Variants in ZNF718 observed in about 807,000 individuals in gnomAD.
ZNF718 encodes the protein zinc finger protein 718.
A neutral mutation model predicts 2.6 loss-of-function variants in ZNF718; 3 were observed. That is an observed-to-expected ratio of 1.16 (90% confidence interval 0.53 to 3.01). The LOEUF is 3.01. Ranked by LOEUF, ZNF718 falls within the 30% of genes most tolerant of loss-of-function variation. The probability of loss-of-function intolerance (pLI) is 0.03; values close to 1 mark genes in which losing one functional copy is unlikely to be tolerated. For missense variants in ZNF718, 468 were observed against 230.0 expected, an observed-to-expected ratio of 2.03 and a Z score of -6.69; for synonymous variants, 135 against 77.9, an observed-to-expected ratio of 1.73 and a Z score of -3.86.
chr4:187,863 G>A (rs1167916050), intron 3 of ZNF718, among the ~76,000 whole-genome samples: 2 of 152,174 alleles, frequency 1.3e-5, no homozygotes, highest in East Asian at 1.9e-4. Context: ...AAACAGCAAA[G>A]ATGGTGACCC....
chr4:179,478 T>C (rs1484318419), intron 3 of ZNF718, among the ~76,000 whole-genome samples: 3 of 152,352 alleles, frequency 2.0e-5, no homozygotes, highest in African/African-American at 4.8e-5. Context: ...CTGAGTAGTA[T>C]TGACAGCTTA....
intron 3 of ZNF718, among the ~76,000 whole-genome samples, chr4:174,733 G>GA (rs1195680590): frequency 7.9e-5 from 12 of 152,262 alleles, no homozygotes; most frequent in African/African-American, 2.9e-4. Context: ...TAGTAGAATA[G>GA]AAAAAATTCA....
At chr4:157,402 A>T (rs1241515435) in intron 3 of ZNF718, among the ~76,000 whole-genome samples, 1 of 151,828 alleles carries the variant, frequency 6.6e-6, no homozygotes, top group East Asian at 1.9e-4. Context: ...GGTGTGAGCC[A>T]CCGCACCCGG....
chr4:151,273 T>C (rs1269860232), intron 3 of ZNF718, among the ~76,000 whole-genome samples: 1 of 151,586 alleles, frequency 6.6e-6, no homozygotes, highest in Non-Finnish European at 1.5e-5. Context: ...CAGCTAATTT[T>C]TTTTTGTATT....
At chr4:170,217 G>A (rs1553817706) in intron 3 of ZNF718, among the ~76,000 whole-genome samples, 1 of 152,190 alleles carries the variant, frequency 6.6e-6, no homozygotes, top group Non-Finnish European at 1.5e-5. Flanking sequence ...CGAGAGATCA[G>A]CTGTTAGTCT....
At position 134,229 on chromosome 4, in the gene ZNF718, G is replaced by C. The variant is rs1441824393; in HGVS notation, c.226+2724G>C. Among the ~76,000 whole-genome samples the C allele has an allele frequency of 4.1e-4, 62 of 152,168 alleles. 1 individual carries two copies. The highest frequency in any genetic ancestry group is 1.4e-3 in the African/African-American group (59 of 41,528). On this transcript the variant is annotated intron_variant, in intron 3 of 3. Transcript: ENST00000510175. ...TGGCGCGATATCTACTCACTGCAAGGTCTGCCTCCCGGGTTCACACCATTC... is the reference window on the plus strand; with the variant it reads ...TGGCGCGATATCTACTCACTGCAAGCTCTGCCTCCCGGGTTCACACCATTC...
rs1236296810 is a variant in ZNF718 at position 160,322 on chromosome 4, C to T, written c.227-590C>T. 5.9e-5 allele frequency among the ~76,000 whole-genome samples: 9 copies of T among 152,188 alleles called. No individual in the cohort carries two copies. The East Asian group carries it at 7.7e-4, about 13-fold the overall frequency. ...TGGGTAAATGTAACATACTTTACTTCGTGTTTTATGTGGCTCTTGGAATTG... is the reference window on the plus strand; with the variant it reads ...TGGGTAAATGTAACATACTTTACTTTGTGTTTTATGTGGCTCTTGGAATTG... On this transcript the variant is annotated intron_variant, in intron 3 of 3. Transcript: ENST00000510175.
chr4:157,365 C>T (rs142513066), intron 3 of ZNF718, among the ~76,000 whole-genome samples: 32 of 152,128 alleles, frequency 2.1e-4, no homozygotes, highest in African/African-American at 6.5e-4. Context: ...CCACCCACCT[C>T]GGCCTCTCAA....
At chr4:185,956 A>G (rs1717558878) in intron 3 of ZNF718, among the ~76,000 whole-genome samples, 1 of 152,100 alleles carries the variant, frequency 6.6e-6, no homozygotes, top group Non-Finnish European at 1.5e-5. Flanking sequence ...TCAGCTTGCC[A>G]TGCTGTGTCT....
intron 3 of ZNF718, among the ~76,000 whole-genome samples, chr4:192,547 CCCCCCTCTCA>C (rs1560133453): frequency 2.9e-4 from 44 of 152,112 alleles, no homozygotes; most frequent in African/African-American, 9.4e-4. Flanking sequence ...GTCTCTCAGT[CCCCCCTCTCA>C]ACAGGAAAAC....
At chr4:150,768 A>G (rs1366999160) in intron 3 of ZNF718, among the ~76,000 whole-genome samples, 15 of 152,206 alleles carry the variant, frequency 9.9e-5, no homozygotes, top group African/African-American at 3.6e-4. Flanking sequence ...CAAAGAAAGT[A>G]GAACTTTTAT....
At chr4:177,884 C>T (rs1180562013) in intron 3 of ZNF718, among the ~76,000 whole-genome samples, 2 of 151,758 alleles carry the variant, frequency 1.3e-5, no homozygotes, top group Non-Finnish European at 2.9e-5. Flanking sequence ...GGCAGTTAGA[C>T]ATGAGCAGAA....
intron 3 of ZNF718, among the ~76,000 whole-genome samples, chr4:196,835 T>G (rs1717801248): frequency 6.6e-6 from 1 of 151,996 alleles, no homozygotes. Flanking sequence ...ACGCTAATCA[T>G]TTTTAACTGG....
intron 3 of ZNF718, among the ~76,000 whole-genome samples, chr4:134,734 C>CTT (rs1553809025): frequency 6.7e-6 from 1 of 149,484 alleles, no homozygotes; most frequent in African/African-American, 2.5e-5. Context: ...AAAATTGTTT[C>CTT]TTTTTTGTTT....
chr4:201,783 TG>T, exon 5 of ZNF718: 1 of 188,386 alleles, frequency 5.3e-6, no homozygotes, highest in African/African-American at 2.4e-5. Flanking sequence ...TCCATGCCAC[TG>T]GTCTCCATTC....
At chr4:183,617 A>G (rs1553820107) in intron 3 of ZNF718, among the ~76,000 whole-genome samples, 1 of 152,118 alleles carries the variant, frequency 6.6e-6, no homozygotes, top group East Asian at 1.9e-4. Flanking sequence ...TTTTCATGAT[A>G]TTGATTCTTC....
In ZNF718 at chr4:130,805, G is replaced by T; in HGVS notation, c.21G>T (p.Lys7Asn). The change falls in exon 2 of 4, where the codon AAG becomes AAT. Residue 7 changes from lysine (K) to asparagine (N), a missense_variant. Lys to Asn is a moderately conservative substitution (Grantham distance 94, BLOSUM62 0). Transcript: ENST00000510175. The stretch of plus-strand genomic sequence containing the variant: ...ATTTTCAGGAACTCTTAACATTCAA[G>T]GATGTGGCCATAGAATTCTCTCCAG... MELLTF[K>N]DVAIEFSPEE... The T allele has an allele frequency of 2.6e-6, 1 of 389,596 alleles. No individual in the cohort carries two copies. Among genetic ancestry groups the T allele is most frequent in the Non-Finnish European group, 4.6e-6 (1 of 219,494 alleles). The allele number at this position is 389,596 out of a possible 1,614,324, so 24.1% of individuals were successfully genotyped here.
chr4:148,421 C>A (rs1218013628), intron 3 of ZNF718, among the ~76,000 whole-genome samples: 1 of 151,928 alleles, frequency 6.6e-6, no homozygotes, highest in Non-Finnish European at 1.5e-5. Context: ...CCAGCCTGGC[C>A]AAATTGGCCA....
chr4:147,483 C>T (rs1716118546), intron 3 of ZNF718, among the ~76,000 whole-genome samples: 1 of 152,120 alleles, frequency 6.6e-6, no homozygotes, highest in Non-Finnish European at 1.5e-5. Context: ...ACCGGGCCTG[C>T]CATGAAGTTC....
Sources: gnomAD v4.1 joint callset for allele counts (sites outside exome capture counted in the v4.1 genomes callset) on GRCh38, gnomAD v4.1.1 for gene constraint, MANE v1.5 for transcripts, NCBI Gene and HGNC (gene_info 2026-07-23, HGNC 2026-07-21) for gene names.